The following GTF3C1 variants were observed in gnomAD, a reference collection of about 807,000 sequenced individuals.
The protein encoded by GTF3C1 is general transcription factor 3C polypeptide 1.
GTF3C1 carries 57 observed loss-of-function variants against 226.7 expected under a neutral mutation model. The ratio of observed to expected loss-of-function variants is 0.25; its 90% CI spans 0.20 to 0.31. GTF3C1 has a LOEUF of 0.31. Ranked by LOEUF, GTF3C1 falls within the 10% of genes least tolerant of loss-of-function variation. GTF3C1 has a pLI of 1.00. For synonymous variants in GTF3C1, 1,090 were observed against 1,084.8 expected (o/e 1.00, Z -0.09); for missense variants, 2,217 against 2,776.1 (o/e 0.80, Z 4.53).
chr16:27,514,880 C>A (rs1040647128), intron 6 of GTF3C1, among the ~76,000 whole-genome samples: 4 of 152,212 alleles, frequency 2.6e-5, no homozygotes, highest in Admixed American at 1.3e-4. Flanking sequence ...GTCCCTGTGA[C>A]TGAGAATAGA....
rs142351765 is a variant in GTF3C1 at position 27,549,810 on chromosome 16, C to T, written c.81G>A (p.Arg27=). 2.5e-6 allele frequency: 4 copies of T among 1,612,888 alleles called. No homozygotes were observed. The highest frequency in any genetic ancestry group is 2.7e-5 in the African/African-American group (2 of 74,950). ...GGAAGGGCGGCACTCGCGTCTCCAGCCGGCTCCACAGCGCTGGCAGACACA... is the reference window on the plus strand; with the variant it reads ...GGAAGGGCGGCACTCGCGTCTCCAGTCGGCTCCACAGCGCTGGCAGACACA... ...DGLCLPALWS[R]LETRVPPFPL... is the part of the protein sequence containing the mutation. The change falls in exon 1 of 37, where the codon CGG becomes CGA. Residue 27 remains arginine, a synonymous_variant. Transcript: ENST00000356183.
chr16:27,461,183 C>T lies in GTF3C1; in HGVS notation c.*167G>A, dbSNP rs1179450031. 5.1e-6 allele frequency: 3 copies of T among 584,486 alleles called. No individual in the cohort carries two copies. In the Admixed American group the frequency reaches 8.9e-5, roughly 17 times the overall value. 36.2% of individuals were successfully genotyped at this position (584,486 alleles called of 1,614,324 possible). A position where few individuals can be genotyped will look rare whatever the true frequency, so the allele number is the denominator to read the frequency against. On this transcript the variant is annotated 3_prime_UTR_variant, in exon 37 of 37. Transcript: ENST00000356183. The surrounding 1 kb of genome is among the most constrained non-coding windows in gnomAD (Gnocchi z 5.3). ...TCGGGGAGCCCCTCTTTCCAGAGTT[C>T]CAGTACAGTGGGAAACGTGTCAGTC...
chr16:27,549,411 C>T (rs2089236480), intron 1 of GTF3C1, among the ~76,000 whole-genome samples: 1 of 152,138 alleles, frequency 6.6e-6, no homozygotes, highest in South Asian at 2.1e-4. Flanking sequence ...CAATCCTGTT[C>T]GCCATTACCC....
rs574359867 is a variant in GTF3C1 at position 27,544,999 on chromosome 16, G to T, written c.431+315C>A. ...CTTTTTTTTTTTTTTTGTAGACAGGGTCTGACTCTGTTGCCTAGGCTGAAG... is the reference window on the plus strand; with the variant it reads ...CTTTTTTTTTTTTTTTGTAGACAGGTTCTGACTCTGTTGCCTAGGCTGAAG... On this transcript the variant is annotated intron_variant, in intron 2 of 36. Coordinates refer to ENST00000356183, the MANE Select transcript of GTF3C1 (RefSeq NM_001520.4). Among the ~76,000 whole-genome samples, 5 of 146,632 alleles carry T rather than the reference G, an allele frequency of 3.4e-5. No homozygotes were observed. In the East Asian group the frequency reaches 6.1e-4, roughly 18 times the overall value.
intron 15 of GTF3C1, 22 bp downstream of exon 15, chr16:27,495,189 A>G: frequency 1.3e-6 from 2 of 1,578,376 alleles, no homozygotes; most frequent in Middle Eastern, 1.9e-4. Context: ...CCCCAGGTGC[A>G]GGAGTGGCAG....
At position 27,464,359 on chromosome 16, in the gene GTF3C1, C is replaced by T. The variant is rs571876185; in HGVS notation, c.5833G>A (p.Gly1945Ser). 59 of 1,552,610 alleles carry T rather than the reference C, an allele frequency of 3.8e-5. No individual in the cohort carries two copies. The highest frequency in any genetic ancestry group is 2.1e-4 in the Admixed American group (10 of 48,596). ...GAGCCCTCTGGAGGCTGCGCCTGGC[C>T]GCTCAGCTGCTCTTGGCCTGGGGAA... ...FSSPGQEQLS[G>S]QAQPPEGSED... is the part of the protein sequence containing the mutation. The change falls in exon 34 of 37, where the codon GGC becomes AGC. Residue 1945 changes from glycine to serine, a missense_variant. Coordinates refer to ENST00000356183, the MANE Select transcript of GTF3C1 (RefSeq NM_001520.4).
At position 27,549,635 on chromosome 16, in the gene GTF3C1, G is replaced by A. The variant is rs777020644; in HGVS notation, c.221+35C>T. 3.0e-4 allele frequency: 128 copies of A among 429,610 alleles called. No individual in the cohort carries two copies. The highest frequency in any genetic ancestry group is 2.9e-3 in the African/African-American group (118 of 41,152). 26.6% of individuals were successfully genotyped at this position (429,610 alleles called of 1,614,324 possible). A position where few individuals can be genotyped will look rare whatever the true frequency, so the allele number is the denominator to read the frequency against. Reference sequence around the variant, plus strand: ...CCATCAGCCCCCGGGCCCTGCGCCCGCCCGCCCGCCCGCCAGGCCAGGCCG... The same window carrying A: ...CCATCAGCCCCCGGGCCCTGCGCCCACCCGCCCGCCCGCCAGGCCAGGCCG... On this transcript the variant is annotated intron_variant, in intron 1 of 36. Coordinates refer to ENST00000356183, the MANE Select transcript of GTF3C1 (RefSeq NM_001520.4).
chr16:27,498,073 G>A lies in GTF3C1; in HGVS notation c.2166-252C>T, dbSNP rs183298377. ...TGCCTTGTGAGAAAGGGAACCCAAC[G>A]TGCTAGATCTTCAGACATGTGCATC... is the stretch of plus-strand genomic sequence containing the variant. On this transcript the variant is annotated intron_variant, in intron 13 of 36. Transcript: ENST00000356183. Among the ~76,000 whole-genome samples, 6 of 152,278 alleles carry A rather than the reference G, an allele frequency of 3.9e-5. No homozygotes were observed. In the East Asian group the frequency reaches 1.2e-3, roughly 29 times the overall value.
At position 27,488,736 on chromosome 16, in the gene GTF3C1, C is replaced by T. The variant is rs1010720522; in HGVS notation, c.3430-101G>A. The stretch of plus-strand genomic sequence containing the variant: ...CGAGGTCTCTTAGGAAGGTAAGGGC[C>T]GCTGTGCACTGACAGCCAGGGGCTG... On this transcript the variant is annotated intron_variant, in intron 21 of 36. Coordinates refer to ENST00000356183, the MANE Select transcript of GTF3C1 (RefSeq NM_001520.4). 3.0e-5 allele frequency: 29 copies of T among 972,354 alleles called. No individual in the cohort carries two copies. In the Admixed American group the frequency reaches 3.2e-4, roughly 11 times the overall value. The allele number at this position is 972,354 out of a possible 1,614,324, so 60.2% of individuals were successfully genotyped here.
At chr16:27,501,104 C>T in intron 12 of GTF3C1, 87 bp downstream of exon 12, 4 of 1,089,630 alleles carry the variant, frequency 3.7e-6, no homozygotes, top group Non-Finnish European at 5.5e-6. Flanking sequence ...AAAGCAACTA[C>T]CAGGATACAG....
At chr16:27,499,510 G>C (rs1437835517) in intron 12 of GTF3C1, among the ~76,000 whole-genome samples, 1 of 152,170 alleles carries the variant, frequency 6.6e-6, no homozygotes, top group Non-Finnish European at 1.5e-5. Context: ...CATCCACTCT[G>C]GCCAGCAGCT....
chr16:27,478,498 A>G lies in GTF3C1; in HGVS notation c.4230T>C (p.Asp1410=), dbSNP rs994037194. ...TAAGTTCATCCTCTTTCCTGGTTTG[A>G]TCTTTTTCATCCCCAATTGCCAAAA... ...YRVLAIGDEK[D]QTRKEDELNS... The change falls in exon 28 of 37, where the codon GAT becomes GAC. Residue 1410 remains aspartate, a synonymous_variant. Coordinates refer to ENST00000356183, the MANE Select transcript of GTF3C1 (RefSeq NM_001520.4). 1 of 1,612,070 alleles carries G rather than the reference A, an allele frequency of 6.2e-7. No homozygotes were observed. Among genetic ancestry groups the G allele is most frequent in the Non-Finnish European group, 8.5e-7 (1 of 1,178,220 alleles).
chr16:27,544,496 C>A (rs1212647050), intron 2 of GTF3C1, among the ~76,000 whole-genome samples: 2 of 151,394 alleles, frequency 1.3e-5, no homozygotes, highest in Non-Finnish European at 2.9e-5. Flanking sequence ...GGGATGCATC[C>A]AGATCACAGC....
Position 27,548,882 on chromosome 16 carries a change from C to T in GTF3C1, c.221+788G>A, listed in dbSNP as rs1022928831. On this transcript the variant is annotated intron_variant, in intron 1 of 36. Coordinates refer to ENST00000356183, the MANE Select transcript of GTF3C1 (RefSeq NM_001520.4). ...TTAGAACAGCAATGTGGCCGGGCGC[C>T]GTGGCTCACGCCTGTAATCACAGCA... 2.0e-5 allele frequency among the ~76,000 whole-genome samples: 3 copies of T among 152,140 alleles called. No individual in the cohort carries two copies. The East Asian group carries it at 5.8e-4, about 29-fold the overall frequency.
At chr16:27,532,176 A>C (rs2088926327) in intron 5 of GTF3C1, among the ~76,000 whole-genome samples, 1 of 152,180 alleles carries the variant, frequency 6.6e-6, no homozygotes, top group Non-Finnish European at 1.5e-5. Flanking sequence ...GCTAGGTCAA[A>C]TTTATTTTTA....
At chr16:27,528,843 G>C in intron 5 of GTF3C1, 122 bp from the exon 6 acceptor site, 1 of 978,982 alleles carries the variant, frequency 1.0e-6, no homozygotes, top group Non-Finnish European at 1.6e-6. Context: ...AGGTACTAAT[G>C]AGGAAAGCCT....
chr16:27,510,797 G>C (rs2088561814), intron 7 of GTF3C1, among the ~76,000 whole-genome samples: 2 of 152,196 alleles, frequency 1.3e-5, no homozygotes, highest in Admixed American at 6.5e-5. Flanking sequence ...AGGGGACCTG[G>C]GGGAAGGGTT....
At chr16:27,512,048 A>T in intron 6 of GTF3C1, 147 bp from the exon 7 acceptor site, 1 of 842,558 alleles carries the variant, frequency 1.2e-6, no homozygotes, top group Non-Finnish European at 1.8e-6. Context: ...GGACTTTTAA[A>T]AATGGCTCAT....
intron 27 of GTF3C1, among the ~76,000 whole-genome samples, chr16:27,480,381 C>G (rs2088024879): frequency 6.6e-6 from 1 of 152,166 alleles, no homozygotes; most frequent in Non-Finnish European, 1.5e-5. Context: ...AGGATATCAA[C>G]TCTGAAAACG....
Sources: allele counts gnomAD v4.1 joint callset (sites outside exome capture counted in the v4.1 genomes callset), GRCh38; gene constraint gnomAD v4.1.1; non-coding constraint Gnocchi (gnomAD v3.1); transcripts MANE v1.5; gene names NCBI Gene and HGNC (gene_info 2026-07-23, HGNC 2026-07-21).